The following CSMD1 variants were observed in gnomAD, a reference collection of about 807,000 sequenced individuals.
CSMD1 encodes CUB and sushi domain-containing protein 1.
A neutral mutation model predicts 417.5 loss-of-function variants in CSMD1; 213 were observed. That is an observed-to-expected ratio of 0.51 (90% CI 0.46 to 0.57). The LOEUF is 0.57. CSMD1 is among the 20% of genes least tolerant of loss of function. The probability of loss-of-function intolerance (pLI) is 0.00; values close to 1 mark genes in which losing one functional copy is unlikely to be tolerated. For synonymous variants in CSMD1, 2,862 were observed against 1,736.8 expected, an observed-to-expected ratio of 1.65 and a Z score of -16.11; for missense variants, 6,923 against 4,529.7, an observed-to-expected ratio of 1.53 and a Z score of -15.17.
At chr8:3,523,892 GAC>G (rs200062308) in intron 10 of CSMD1, among the ~76,000 whole-genome samples, 2,239 of 140,680 alleles carry the variant, frequency 0.016, 57 homozygotes, top group African/African-American at 0.057. Context: ...CATGCACAGA[GAC>G]ATATGCACAC....
At chr8:3,734,431 C>T (rs1249207591) in intron 6 of CSMD1, among the ~76,000 whole-genome samples, 21 of 152,206 alleles carry the variant, frequency 1.4e-4, no homozygotes, top group Admixed American at 1.4e-3. Flanking sequence ...AGAAACTCTG[C>T]CAGGTGCGAT....
intron 3 of CSMD1, among the ~76,000 whole-genome samples, chr8:4,146,593 CATTTTTTTTTTTTTTTTT>C (rs1244542796): frequency 8.8e-5 from 8 of 90,764 alleles, no homozygotes; most frequent in Non-Finnish European, 1.4e-4. Context: ...TATATGGACA[CATTTTTTTTTTTTTTTTT>C]TTTTTTTTTT....
At chr8:4,858,268 A>T (rs534401666) in intron 1 of CSMD1, among the ~76,000 whole-genome samples, 3 of 151,408 alleles carry the variant, frequency 2.0e-5, no homozygotes, top group Admixed American at 2.0e-4. Flanking sequence ...CGTATTTCAA[A>T]ATAATAAAAG....
chr8:4,183,438 A>C (rs910755796), intron 3 of CSMD1, among the ~76,000 whole-genome samples: 3 of 152,228 alleles, frequency 2.0e-5, no homozygotes, highest in Non-Finnish European at 4.4e-5. Flanking sequence ...ACAGCTTGTC[A>C]ATAATTTTTA....
chr8:4,817,747 G>C (rs1799289802), intron 1 of CSMD1, among the ~76,000 whole-genome samples: 1 of 152,148 alleles, frequency 6.6e-6, no homozygotes, highest in Non-Finnish European at 1.5e-5. Flanking sequence ...ATATAATGCA[G>C]CTATCACGCT....
chr8:2,963,391 C>A lies in CSMD1; in HGVS notation c.9285G>T (p.Val3095=). The A allele has an allele frequency of 6.2e-7, 1 of 1,613,600 alleles. No homozygotes were observed. Among genetic ancestry groups the A allele is most frequent in the Non-Finnish European group, 8.5e-7 (1 of 1,179,564 alleles). ...WNPSKPVCKA[V]LCPQPPPVQN... ...GCACCGGCGGCGGCTGAGGACACAG[C>A]ACGGCTATTTCCAAAGAACAAACAA... Residue 3095 remains valine, a synonymous_variant, in exon 60 of 70, where the codon GTG becomes GTT. Coordinates refer to ENST00000635120, the MANE Select transcript of CSMD1 (RefSeq NM_033225.6).
intron 1 of CSMD1, among the ~76,000 whole-genome samples, chr8:4,878,154 AT>A (rs770418926): frequency 1.4e-4 from 22 of 152,098 alleles, no homozygotes; most frequent in Non-Finnish European, 3.1e-4. Flanking sequence ...TAAGAAAATT[AT>A]TTTAGAATGA....
At chr8:4,339,977 T>G (rs1032832645) in intron 3 of CSMD1, among the ~76,000 whole-genome samples, 1 of 152,038 alleles carries the variant, frequency 6.6e-6, no homozygotes, top group Non-Finnish European at 1.5e-5. Flanking sequence ...TGAGCGGTGA[T>G]AGCAACACTG....
chr8:4,236,055 T>TTTTTTTTTTTTTGTTTTTG (rs1802037935), intron 3 of CSMD1, among the ~76,000 whole-genome samples: 1 of 83,746 alleles, frequency 1.2e-5, no homozygotes, highest in Non-Finnish European at 2.6e-5. Context: ...TTTTTTTTTT[T>TTTTTTTTTTTTTGTTTTTG]TTTTTTTTTT....
At chr8:3,254,051 C>G (rs1314421744) in intron 26 of CSMD1, among the ~76,000 whole-genome samples, 2 of 152,106 alleles carry the variant, frequency 1.3e-5, no homozygotes, top group African/African-American at 2.4e-5. Flanking sequence ...CCTTCAGGAG[C>G]TCTTGTAGGG....
At chr8:3,044,691 C>A (rs1016425691) in intron 50 of CSMD1, among the ~76,000 whole-genome samples, 1 of 151,958 alleles carries the variant, frequency 6.6e-6, no homozygotes, top group Non-Finnish European at 1.5e-5. Context: ...TGCAAGAAGG[C>A]GGCAAATGGA....
At chr8:3,481,867 C>G (rs1384691276) in intron 11 of CSMD1, among the ~76,000 whole-genome samples, 1 of 152,166 alleles carries the variant, frequency 6.6e-6, no homozygotes, top group South Asian at 2.1e-4. Flanking sequence ...GAAAACCTGA[C>G]TTGGACTTCT....
At chr8:3,548,734 G>C (rs1341148831) in intron 10 of CSMD1, among the ~76,000 whole-genome samples, 3 of 148,948 alleles carry the variant, frequency 2.0e-5, no homozygotes, top group East Asian at 2.0e-4. Context: ...TGATTGATAG[G>C]AATTTGGGTT....
intron 47 of CSMD1, among the ~76,000 whole-genome samples, chr8:3,092,099 A>T (rs906073991): frequency 2.0e-5 from 3 of 152,164 alleles, no homozygotes; most frequent in Admixed American, 2.0e-4. Context: ...TATTTCTATG[A>T]ACCCTAGCAC....
intron 26 of CSMD1, among the ~76,000 whole-genome samples, chr8:3,247,627 C>G (rs925808090): frequency 5.9e-5 from 9 of 152,304 alleles, no homozygotes; most frequent in Non-Finnish European, 1.0e-4. Flanking sequence ...GAGGTGGCCT[C>G]TGAGCCTGGG....
chr8:4,920,576 C>G (rs935768738), intron 1 of CSMD1, among the ~76,000 whole-genome samples: 3 of 152,102 alleles, frequency 2.0e-5, no homozygotes, highest in Non-Finnish European at 4.4e-5. Context: ...AATCCCAGCA[C>G]TTTGGGAGGC....
chr8:4,991,532 C>G (rs1419229859), intron 1 of CSMD1, among the ~76,000 whole-genome samples: 1 of 152,194 alleles, frequency 6.6e-6, no homozygotes, highest in African/African-American at 2.4e-5. Flanking sequence ...TTCGCCACAG[C>G]GGGAGCCGCC....
chr8:3,752,320 G>C (rs965287400), intron 6 of CSMD1, among the ~76,000 whole-genome samples: 8 of 152,116 alleles, frequency 5.3e-5, no homozygotes, highest in Non-Finnish European at 1.2e-4. Context: ...GGCAACATCA[G>C]AAGGCAATCT....
chr8:4,154,060 G>A (rs34476338), intron 3 of CSMD1, among the ~76,000 whole-genome samples: 30 of 152,110 alleles, frequency 2.0e-4, no homozygotes, highest in African/African-American at 6.5e-4. Flanking sequence ...TCCTAAGGAG[G>A]TAATAAATAA....
Sources: allele counts gnomAD v4.1 joint callset (sites outside exome capture counted in the v4.1 genomes callset), GRCh38; gene constraint gnomAD v4.1.1; transcripts MANE v1.5; gene names NCBI Gene and HGNC (gene_info 2026-07-23, HGNC 2026-07-21).